Variants in NBN observed in about 807,000 individuals in gnomAD.
NBN encodes the protein Nijmegen breakage syndrome 1 (nibrin).
A neutral mutation model predicts 90.8 loss-of-function variants in NBN; 88 were observed. The observed-to-expected ratio is 0.97, with a 90% CI of 0.82 to 1.16. The LOEUF (loss-of-function observed/expected upper bound fraction) is 1.16, where lower values mean the gene tolerates loss of function less well. Among genes scored for constraint, NBN ranks in the 50% most tolerant of loss-of-function variants. The pLI is 0.00. For synonymous variants in NBN, 328 were observed against 295.1 expected, an observed-to-expected ratio of 1.11 and a Z score of -1.14; for missense variants, 894 against 869.6, an observed-to-expected ratio of 1.03 and a Z score of -0.35.
intron 5 of NBN, among the ~76,000 whole-genome samples, chr8:89,971,696 C>T (rs1811524609): frequency 6.6e-6 from 1 of 152,144 alleles, no homozygotes; most frequent in Admixed American, 6.6e-5. Context: ...GCTCATGTTT[C>T]AATTCTACTA....
rs547194105 is a variant in NBN, at chr8:89,934,951, T to C, written c.*631A>G. The C allele has an allele frequency of 1.3e-5, 3 of 232,716 alleles. No individual in the cohort carries two copies. Among genetic ancestry groups the C allele is most frequent in the Non-Finnish European group, 2.5e-5 (3 of 117,882 alleles). 14.4% of individuals were successfully genotyped at this position (232,716 alleles called of 1,614,324 possible). A position where few individuals can be genotyped will look rare whatever the true frequency, so the allele number is the denominator to read the frequency against. ...ACCCATGTTTGATGAAGTCTCCACA[T>C]GGTCTTCAGTTTCTAGTACTAGAAT... On this transcript the variant is annotated 3_prime_UTR_variant, in exon 16 of 16. Coordinates refer to ENST00000265433, the MANE Select transcript of NBN (RefSeq NM_002485.5).
In NBN at chr8:89,937,040, A is replaced by G. The variant is rs147494981; in HGVS notation, c.2220T>C (p.Ala740=). ...QNQHAKEESL[A]DDLFRYNPYL... ...TCAAACTTTACCTAAAAAGATCATCAGCAAGAGACTCTTCTTTTGCATGTT... is the reference window on the plus strand; with the variant it reads ...TCAAACTTTACCTAAAAAGATCATCGGCAAGAGACTCTTCTTTTGCATGTT... The change falls in exon 15 of 16, where the codon GCT becomes GCC. Residue 740 remains alanine (A), a synonymous_variant. Coordinates refer to ENST00000265433, the MANE Select transcript of NBN (RefSeq NM_002485.5). 1.6e-4 allele frequency: 256 copies of G among 1,611,442 alleles called. No homozygotes were observed. In the East Asian group the frequency reaches 5.2e-3, roughly 33 times the overall value.
intron 15 of NBN, among the ~76,000 whole-genome samples, chr8:89,936,362 G>A (rs1364781287): frequency 6.6e-6 from 1 of 151,888 alleles, no homozygotes; most frequent in Non-Finnish European, 1.5e-5. Context: ...CGGCCTGTTT[G>A]TCAACATTTT....
intron 10 of NBN, among the ~76,000 whole-genome samples, chr8:89,953,974 T>C (rs568604457): frequency 2.6e-5 from 4 of 152,096 alleles, no homozygotes; most frequent in East Asian, 1.9e-4. Context: ...CAGGAAAAGG[T>C]AGAAAAATAT....
In NBN at chr8:89,964,268, G is replaced by C. The variant is rs1389663880; in HGVS notation, c.994+142C>G. The C allele has an allele frequency of 6.6e-6, 6 of 912,764 alleles. No homozygotes were observed. In the South Asian group the frequency reaches 9.1e-5, roughly 14 times the overall value. The allele number at this position is 912,764 out of a possible 1,614,324, so 56.5% of individuals were successfully genotyped here. ...TGGCAGCCACAAATATTTATGGAAT[G>C]AATAAATGAAAGTATAAATGGATGA... On this transcript the variant is annotated intron_variant, in intron 8 of 15. Transcript: ENST00000265433.
At chr8:89,938,101 C>T (rs974692445) in intron 14 of NBN, among the ~76,000 whole-genome samples, 2 of 152,164 alleles carry the variant, frequency 1.3e-5, no homozygotes, top group Admixed American at 6.5e-5. Context: ...TCTCCCAAAA[C>T]TTCAGCTACA....
chr8:89,958,042 G>C (rs988771660), intron 9 of NBN, among the ~76,000 whole-genome samples: 12 of 152,202 alleles, frequency 7.9e-5, no homozygotes, highest in African/African-American at 2.4e-4. Context: ...ATGGGAGACA[G>C]TGACAGATCA....
At chr8:89,980,945 G>A (rs768027082) in intron 3 of NBN, 52 bp from the exon 4 acceptor site, 13 of 1,538,974 alleles carry the variant, frequency 8.4e-6, no homozygotes, top group Non-Finnish European at 1.2e-5. Context: ...TTGCAGAGAT[G>A]GCAATTTTTA....
At chr8:89,946,058 G>A (rs1273259429) in intron 13 of NBN, 82 bp downstream of exon 13, 1 of 1,090,428 alleles carries the variant, frequency 9.2e-7, no homozygotes, top group Admixed American at 1.9e-5. Context: ...AACATAAACT[G>A]CTTTTATCTT....
chr8:89,968,343 T>C lies in NBN; in HGVS notation c.896+2021A>G, dbSNP rs950558676. On this transcript the variant is annotated intron_variant, in intron 7 of 15. Transcript: ENST00000265433. ...AGGCACCAGGGTCTGAGCTACCTGG[T>C]ACTCCAGCTACTTTTTTTTAACCTC... 3.9e-5 allele frequency among the ~76,000 whole-genome samples: 6 copies of C among 152,218 alleles called. No individual in the cohort carries two copies. In the South Asian group the frequency reaches 1.0e-3, roughly 26 times the overall value.
intron 13 of NBN, among the ~76,000 whole-genome samples, chr8:89,945,660 G>C (rs796597900): frequency 1.3e-5 from 2 of 152,134 alleles, no homozygotes; most frequent in Non-Finnish European, 2.9e-5. Flanking sequence ...ATAAGTATCA[G>C]TTCCTTAATG....
rs756580887 is a variant in NBN at position 89,943,315 on chromosome 8, G to A, written c.2122C>T (p.Leu708=). 2 of 1,612,458 alleles carry A rather than the reference G, an allele frequency of 1.2e-6. No individual in the cohort carries two copies. The highest frequency in any genetic ancestry group is 2.7e-5 in the African/African-American group (2 of 74,844). ...KLPHIIGGSD[L]IAHHARKNTE... ...TTCTTTCGAGCATGATGAGCTATTAGATCTGATCCTCCAATGATGTGTGGA... is the reference window on the plus strand; with the variant it reads ...TTCTTTCGAGCATGATGAGCTATTAAATCTGATCCTCCAATGATGTGTGGA... The change falls in exon 14 of 16, where the codon CTA becomes TTA. Residue 708 remains leucine, a synonymous_variant. Coordinates refer to ENST00000265433, the MANE Select transcript of NBN (RefSeq NM_002485.5).
At chr8:89,945,094 C>A (rs1810128293) in intron 13 of NBN, among the ~76,000 whole-genome samples, 1 of 152,170 alleles carries the variant, frequency 6.6e-6, no homozygotes, top group Non-Finnish European at 1.5e-5. Flanking sequence ...TAATAAACCA[C>A]TCTGTGCCAG....
intron 5 of NBN, among the ~76,000 whole-genome samples, chr8:89,974,839 GGC>G (rs535042324): frequency 2.6e-5 from 4 of 152,238 alleles, no homozygotes; most frequent in African/African-American, 9.6e-5. Context: ...TTGCATTCTT[GGC>G]CTATTCAGCA....
At chr8:89,950,264 T>A (rs967760842) in intron 11 of NBN, among the ~76,000 whole-genome samples, 5 of 152,204 alleles carry the variant, frequency 3.3e-5, no homozygotes, top group Admixed American at 2.6e-4. Flanking sequence ...AATCCATGGA[T>A]GCTCAAGTCC....
chr8:89,940,705 G>A (rs752292244), intron 14 of NBN, among the ~76,000 whole-genome samples: 2 of 148,694 alleles, frequency 1.3e-5, no homozygotes, highest in East Asian at 1.9e-4. Flanking sequence ...AATAATCCAC[G>A]AATAAAAAGT....
chr8:89,978,452 T>A (rs909387300), intron 4 of NBN, 129 bp from the exon 5 acceptor site: 1 of 704,920 alleles, frequency 1.4e-6, no homozygotes, highest in Non-Finnish European at 2.3e-6. Flanking sequence ...TTCATCTCTC[T>A]AAATTTATAA....
rs559164273 is a variant in NBN at position 89,959,134 on chromosome 8, T to C, written c.995-280A>G. 2.6e-5 allele frequency among the ~76,000 whole-genome samples: 4 copies of C among 152,348 alleles called. No individual in the cohort carries two copies. In the East Asian group the frequency reaches 5.8e-4, roughly 22 times the overall value. On this transcript the variant is annotated intron_variant, in intron 8 of 15. Transcript: ENST00000265433. ...AAAGAAAAATAAAATAAGCAAATTCTAATTCAAATTATGTTTTAAGTCAGT... is the reference window on the plus strand; with the variant it reads ...AAAGAAAAATAAAATAAGCAAATTCCAATTCAAATTATGTTTTAAGTCAGT...
chr8:89,951,235 C>A (rs1290025574), intron 11 of NBN, among the ~76,000 whole-genome samples: 5 of 146,660 alleles, frequency 3.4e-5, no homozygotes, highest in Non-Finnish European at 7.4e-5. Context: ...TGGCGTGAAC[C>A]CGGGAGGCGG....
Sources: allele counts gnomAD v4.1 joint callset (sites outside exome capture counted in the v4.1 genomes callset), GRCh38; gene constraint gnomAD v4.1.1; transcripts MANE v1.5; gene names NCBI Gene and HGNC (gene_info 2026-07-23, HGNC 2026-07-21).